The following ATRNL1 variants were observed in gnomAD, a reference collection of about 807,000 sequenced individuals.
The protein encoded by ATRNL1 is attractin-like protein 1.
ATRNL1 carries 95 observed loss-of-function variants against 182.7 expected under a neutral mutation model. That is an observed-to-expected ratio of 0.52 (90% CI 0.44 to 0.62). The LOEUF (loss-of-function observed/expected upper bound fraction) is 0.62, where lower values mean the gene tolerates loss of function less well. Among genes scored for constraint, ATRNL1 ranks in the 20% least tolerant of loss-of-function variants. The pLI, the probability that ATRNL1 is intolerant of heterozygous loss-of-function variation, is 0.00. For synonymous variants in ATRNL1, 576 were observed against 568.3 expected (o/e 1.01, Z -0.19); for missense variants, 1,471 against 1,679.5 (o/e 0.88, Z 2.17).
intron 1 of ATRNL1, among the ~76,000 whole-genome samples, 169 bp downstream of exon 1, chr10:115,094,212 C>A (rs1050072375): frequency 4.0e-5 from 6 of 151,726 alleles, no homozygotes; most frequent in Non-Finnish European, 4.4e-5. Context: ...CGCGCCGCGC[C>A]CCCTCCAGCC....
rs183625463 is a variant in ATRNL1, at chr10:115,313,802, G to A, written c.2819-1716G>A. 2.3e-3 allele frequency among the ~76,000 whole-genome samples: 355 copies of A among 152,182 alleles called. 5 individuals are homozygous for A. The highest frequency in any genetic ancestry group is 0.018 in the Admixed American group (273 of 15,262). ...CACTAAAGATTTACTTTCTCCTCAC[G>A]TGATATATGATACAAATCATTACAT... On this transcript the variant is annotated intron_variant, in intron 17 of 28. Coordinates refer to ENST00000355044, the MANE Select transcript of ATRNL1 (RefSeq NM_207303.4).
chr10:115,688,174 C>G (rs1946279069), intron 26 of ATRNL1, among the ~76,000 whole-genome samples: 1 of 152,114 alleles, frequency 6.6e-6, no homozygotes. Flanking sequence ...GAGTAGCATT[C>G]CATTGTGTAT....
At chr10:115,318,454 G>T (rs1554930394) in intron 18 of ATRNL1, among the ~76,000 whole-genome samples, 1 of 152,118 alleles carries the variant, frequency 6.6e-6, no homozygotes, top group African/African-American at 2.4e-5. Flanking sequence ...AATAGTTTCA[G>T]CAGGAATGGT....
intron 18 of ATRNL1, among the ~76,000 whole-genome samples, chr10:115,319,082 G>A (rs1854452135): frequency 1.3e-5 from 2 of 152,024 alleles, no homozygotes; most frequent in South Asian, 2.1e-4. Context: ...AGAGATTCTG[G>A]TATTTTGTCT....
At chr10:115,337,639 A>G (rs782065142) in intron 19 of ATRNL1, among the ~76,000 whole-genome samples, 3 of 152,172 alleles carry the variant, frequency 2.0e-5, no homozygotes, top group South Asian at 2.1e-4. Context: ...AAGTGAGAAC[A>G]TGCAATGTTT....
chr10:115,476,547 G>GT, intron 24 of ATRNL1, among the ~76,000 whole-genome samples: 1 of 150,746 alleles, frequency 6.6e-6, no homozygotes, highest in Middle Eastern at 3.4e-3. Context: ...TTTTCTTCTT[G>GT]TTTTTTGAAA....
At chr10:115,235,064 T>C (rs1348194957) in intron 9 of ATRNL1, among the ~76,000 whole-genome samples, 3 of 152,192 alleles carry the variant, frequency 2.0e-5, no homozygotes, top group African/African-American at 7.2e-5. Flanking sequence ...TAGTCTCCTT[T>C]AATTTGGAAT....
chr10:115,329,006 A>G lies in ATRNL1; in HGVS notation c.3038-5276A>G, dbSNP rs568338705. On this transcript the variant is annotated intron_variant, in intron 18 of 28. Coordinates refer to ENST00000355044, the MANE Select transcript of ATRNL1 (RefSeq NM_207303.4). ...CCCAGTAGTGAGATTGCTGGATCAT[A>G]TAGTATTATATTTTTATTTTTTTTG... Among the ~76,000 whole-genome samples, 29 of 152,196 alleles carry G rather than the reference A, an allele frequency of 1.9e-4. No homozygotes were observed. The South Asian group carries it at 5.8e-3, about 30-fold the overall frequency.
intron 28 of ATRNL1, among the ~76,000 whole-genome samples, chr10:115,906,907 C>A (rs552571578): frequency 3.9e-5 from 6 of 152,124 alleles, no homozygotes; most frequent in Non-Finnish European, 5.9e-5. Flanking sequence ...CTTTATAATC[C>A]CCTGAGGTTG....
intron 18 of ATRNL1, among the ~76,000 whole-genome samples, chr10:115,332,629 A>G (rs1855282193): frequency 6.6e-6 from 1 of 152,164 alleles, no homozygotes. Context: ...TCATAACTGC[A>G]TATTCTTTCT....
At chr10:115,502,654 C>A (rs976050452) in intron 24 of ATRNL1, among the ~76,000 whole-genome samples, 7 of 151,942 alleles carry the variant, frequency 4.6e-5, no homozygotes, top group Non-Finnish European at 1.0e-4. Context: ...TTTAAGAAAA[C>A]CTTGTTAATC....
At chr10:115,646,370 C>T (rs140841169) in intron 26 of ATRNL1, among the ~76,000 whole-genome samples, 3 of 152,170 alleles carry the variant, frequency 2.0e-5, no homozygotes, top group African/African-American at 4.8e-5. Context: ...TGTGGATGTT[C>T]GCACCAGTAA....
At chr10:115,608,792 T>C (rs1856999084) in intron 26 of ATRNL1, among the ~76,000 whole-genome samples, 1 of 152,050 alleles carries the variant, frequency 6.6e-6, no homozygotes, top group Admixed American at 6.6e-5. Context: ...CTGGACAACT[T>C]TGGCATTCCT....
At chr10:115,832,986 T>C (rs1950592026) in intron 27 of ATRNL1, among the ~76,000 whole-genome samples, 1 of 152,172 alleles carries the variant, frequency 6.6e-6, no homozygotes, top group South Asian at 2.1e-4. Flanking sequence ...TATGTCCCAG[T>C]ATTTCATTTT....
Position 115,315,998 on chromosome 10 carries a change from ATTTAG to A in ATRNL1, c.3037+267_3037+271del, listed in dbSNP as rs200810528. On this transcript the variant is annotated intron_variant, in intron 18 of 28. Transcript: ENST00000355044. ...TTCATTTCTTTTTTAATATTTTGTT[ATTTAG>A]TTTAAGTTTTGGGATACATGTGCAG... 1.1e-3 allele frequency among the ~76,000 whole-genome samples: 171 copies of A among 152,158 alleles called. 1 individual carries two copies. In the East Asian group the frequency reaches 0.03, roughly 27 times the overall value.
chr10:115,300,138 A>T lies in ATRNL1; in HGVS notation c.2520A>T (p.Glu840Asp). The part of the protein sequence containing the change: ...TNTTLQWLPG[E>D]PNDSGFCAYL... ...CAACACTACAGTGGCTTCCTGGCGA[A>T]CCCAATGATTCTGGGTTTTGTGCAT... Residue 840 changes from glutamate to aspartate, a missense_variant, in exon 16 of 29, where the codon GAA (glutamate) becomes GAT (aspartate). Physicochemically the swap from Glu to Asp is conservative, Grantham distance 45. This residue lies in a region of ATRNL1 where 1,031 missense variants were observed against 1,156.0 expected (regional missense o/e 0.89). Coordinates refer to ENST00000355044, the MANE Select transcript of ATRNL1 (RefSeq NM_207303.4). 1 of 1,614,074 alleles carries T rather than the reference A, an allele frequency of 6.2e-7. No homozygotes were observed. Among genetic ancestry groups the T allele is most frequent in the Non-Finnish European group, 8.5e-7 (1 of 1,179,952 alleles).
At chr10:115,654,612 G>A (rs548360288) in intron 26 of ATRNL1, among the ~76,000 whole-genome samples, 212 of 152,264 alleles carry the variant, frequency 1.4e-3, no homozygotes, top group African/African-American at 4.7e-3. Context: ...AGTAAAAATT[G>A]TAATTCCTTT....
chr10:115,366,685 C>T (rs1857061854), intron 19 of ATRNL1, among the ~76,000 whole-genome samples: 1 of 151,488 alleles, frequency 6.6e-6, no homozygotes, highest in Non-Finnish European at 1.5e-5. Context: ...TTTAGTGCTT[C>T]CTTCAGGAGC....
chr10:115,412,100 C>A (rs2134342796), intron 20 of ATRNL1, among the ~76,000 whole-genome samples: 1 of 152,270 alleles, frequency 6.6e-6, no homozygotes, highest in East Asian at 1.9e-4. Flanking sequence ...ATGGTTTTCA[C>A]TTCTGTGAAT....
Sources: allele counts gnomAD v4.1 joint callset (sites outside exome capture counted in the v4.1 genomes callset), GRCh38; gene constraint gnomAD v4.1.1; regional missense constraint gnomAD v4.1.1; transcripts MANE v1.5; gene names NCBI Gene and HGNC (gene_info 2026-07-23, HGNC 2026-07-21).